PSMD1: variants seen among roughly 807,000 people sequenced by gnomAD.
PSMD1 encodes proteasome 26S subunit, non-ATPase 1.
A neutral mutation model predicts 119.0 loss-of-function variants in PSMD1; 18 were observed. The ratio of observed to expected loss-of-function variants is 0.15; its 90% CI spans 0.10 to 0.22. The LOEUF (loss-of-function observed/expected upper bound fraction) is 0.22, where lower values mean the gene tolerates loss of function less well. Among genes scored for constraint, PSMD1 ranks in the 10% least tolerant of loss-of-function variants. The probability of loss-of-function intolerance (pLI) is 1.00; values close to 1 mark genes in which losing one functional copy is unlikely to be tolerated. For missense variants in PSMD1, 702 were observed against 1,158.5 expected (o/e 0.61, Z 5.72); for synonymous variants, 374 against 396.6 (o/e 0.94, Z 0.68).
chr2:231,125,549 G>C (rs1295487688), intron 16 of PSMD1, among the ~76,000 whole-genome samples: 1 of 152,124 alleles, frequency 6.6e-6, no homozygotes, highest in Non-Finnish European at 1.5e-5. Context: ...GCACAGAAAG[G>C]CCTGAATTCT....
chr2:231,077,524 T>G (rs1056797221), intron 9 of PSMD1, among the ~76,000 whole-genome samples: 1 of 152,158 alleles, frequency 6.6e-6, no homozygotes, highest in Non-Finnish European at 1.5e-5. Context: ...GTACTTTCAT[T>G]TCAATAAATC....
At chr2:231,123,467 C>G in intron 16 of PSMD1, 1 of 1,614,054 alleles carries the variant, frequency 6.2e-7, no homozygotes, top group Non-Finnish European at 8.5e-7. Flanking sequence ...ACCAGCAAAT[C>G]AGCCACCGCC....
rs767512060 is a variant in PSMD1, at chr2:231,161,474, C to T, written c.2353C>T (p.Pro785Ser). Residue 785 changes from proline (P) to serine (S), a missense_variant, in exon 20 of 25, where the codon CCT (proline) becomes TCT (serine). Coordinates refer to ENST00000308696, the MANE Select transcript of PSMD1 (RefSeq NM_002807.4). ...LSHFLSLAYTPTCVIGLNKDL... is the reference protein window; with the variant it reads ...LSHFLSLAYTSTCVIGLNKDL... ...ACACTTCCTGTCATTGGCTTATACC[C>T]CTACCTGTGTCATTGGCCTTAACAA... 1.9e-6 allele frequency: 3 copies of T among 1,614,066 alleles called. No individual in the cohort carries two copies. The highest frequency in any genetic ancestry group is 2.5e-6 in the Non-Finnish European group (3 of 1,180,004).
At chr2:231,075,198 T>TTTTGTAGC (rs2125165011) in intron 7 of PSMD1, among the ~76,000 whole-genome samples, 1 of 152,198 alleles carries the variant, frequency 6.6e-6, no homozygotes, top group East Asian at 1.9e-4. Flanking sequence ...TTCAAGCCCA[T>TTTTGTAGC]TTTGTAGCTG....
At chr2:231,087,636 G>A (rs940283885) in intron 16 of PSMD1, among the ~76,000 whole-genome samples, 1 of 152,152 alleles carries the variant, frequency 6.6e-6, no homozygotes, top group African/African-American at 2.4e-5. Flanking sequence ...TCATGGAGAT[G>A]TCCTTGGCAG....
At chr2:231,129,043 T>C (rs1033183785) in intron 16 of PSMD1, among the ~76,000 whole-genome samples, 6 of 152,180 alleles carry the variant, frequency 3.9e-5, no homozygotes, top group Non-Finnish European at 7.3e-5. Flanking sequence ...AACCCAAATA[T>C]CTTTTGGAGT....
At chr2:231,127,607 G>A (rs1695757284) in intron 16 of PSMD1, among the ~76,000 whole-genome samples, 1 of 152,202 alleles carries the variant, frequency 6.6e-6, no homozygotes, top group South Asian at 2.1e-4. Flanking sequence ...GCCTGCCTCA[G>A]CCTCCCAAAG....
intron 16 of PSMD1, among the ~76,000 whole-genome samples, chr2:231,092,603 C>T (rs946251121): frequency 6.6e-6 from 1 of 152,096 alleles, no homozygotes; most frequent in Non-Finnish European, 1.5e-5. Flanking sequence ...GGGAATGAGA[C>T]GTGGCTGCAA....
At position 231,070,147 on chromosome 2, in the gene PSMD1, T is replaced by C; in HGVS notation, c.633T>C (p.Pro211=). Reference sequence around the variant, plus strand: ...AAATCTACATGAACTTGGAGAAACCTGATTTCATCAATGTTTGTCAGGTAA... The same window carrying C: ...AAATCTACATGAACTTGGAGAAACCCGATTTCATCAATGTTTGTCAGGTAA... ...LVKIYMNLEK[P]DFINVCQCLI... is the part of the protein sequence containing the mutation. Residue 211 remains proline (P), a synonymous_variant, in exon 6 of 25, where the codon CCT becomes CCC. Coordinates refer to ENST00000308696, the MANE Select transcript of PSMD1 (RefSeq NM_002807.4). The C allele has an allele frequency of 6.5e-7, 1 of 1,549,836 alleles. No homozygotes were observed. The highest frequency in any genetic ancestry group is 1.3e-5 in the South Asian group (1 of 79,298).
At chr2:231,127,854 G>C (rs1474261144) in intron 16 of PSMD1, among the ~76,000 whole-genome samples, 1 of 152,202 alleles carries the variant, frequency 6.6e-6, no homozygotes, top group Admixed American at 6.5e-5. Context: ...AGCTTCATTT[G>C]TGTAGAATAT....
At chr2:231,142,794 T>C (rs1205513323) in intron 17 of PSMD1, among the ~76,000 whole-genome samples, 1 of 152,228 alleles carries the variant, frequency 6.6e-6, no homozygotes, top group African/African-American at 2.4e-5. Flanking sequence ...ATTGACAATA[T>C]GTTTGAAAAA....
At chr2:231,156,107 T>G (rs6707708) in intron 19 of PSMD1, among the ~76,000 whole-genome samples, 1 of 151,958 alleles carries the variant, frequency 6.6e-6, no homozygotes, top group South Asian at 2.1e-4. Flanking sequence ...ATTTCTTTTA[T>G]TGCAGCTTTT....
intron 16 of PSMD1, chr2:231,123,304 C>A: frequency 1.2e-6 from 1 of 840,494 alleles, no homozygotes. Context: ...TTTAAATAGT[C>A]CAAGTTCATC....
intron 22 of PSMD1, 93 bp downstream of exon 22, chr2:231,165,379 C>G (rs1696753246): frequency 7.5e-7 from 1 of 1,334,152 alleles, no homozygotes. Flanking sequence ...CTACCTTGCT[C>G]TTGGCTTCCT....
At position 231,067,040 on chromosome 2, in the gene PSMD1, T is replaced by G. The variant is rs561885559; in HGVS notation, c.439T>G (p.Tyr147Asp). ...CCAGCGATGTCTAGATGATCACAAG[T>G]ATAAACAGGCTATTGGCATTGCTCT... ...MFQRCLDDHKYKQAIGIALET... is the reference protein window; with the variant it reads ...MFQRCLDDHKDKQAIGIALET... The change falls in exon 5 of 25, where the codon TAT becomes GAT. Residue 147 changes from tyrosine (Y) to aspartate (D), a missense_variant. Tyr to Asp is a radical substitution (Grantham distance 160, BLOSUM62 -3). This residue lies in a region of PSMD1 where 8 missense variants were observed against 27.1 expected (regional missense o/e 0.30). Coordinates refer to ENST00000308696, the MANE Select transcript of PSMD1 (RefSeq NM_002807.4). 6.2e-7 allele frequency: 1 copy of G among 1,613,962 alleles called. No homozygotes were observed. Among genetic ancestry groups the G allele is most frequent in the South Asian group, 1.1e-5 (1 of 91,038 alleles).
At chr2:231,079,700 C>A in intron 11 of PSMD1, 86 bp downstream of exon 11, 1 of 815,160 alleles carries the variant, frequency 1.2e-6, no homozygotes, top group South Asian at 2.3e-5. Context: ...TATTATAATT[C>A]ATTAACAAGT....
chr2:231,125,734 A>G (rs150528783), intron 16 of PSMD1, among the ~76,000 whole-genome samples: 1 of 152,224 alleles, frequency 6.6e-6, no homozygotes, highest in Non-Finnish European at 1.5e-5. Flanking sequence ...TTAAATCTTA[A>G]TAGTTATGCT....
intron 4 of PSMD1, 100 bp from the exon 5 acceptor site, chr2:231,066,806 A>G: frequency 1.0e-6 from 1 of 967,908 alleles, no homozygotes; most frequent in Non-Finnish European, 1.5e-6. Flanking sequence ...ATTGCTTTAT[A>G]GTCATCCCAT....
In PSMD1 at chr2:231,087,104, C is replaced by T. The variant is rs778544391; in HGVS notation, c.1819-13C>T. On this transcript the variant is annotated splice_polypyrimidine_tract_variant and intron_variant, in intron 15 of 24. Coordinates refer to ENST00000308696, the MANE Select transcript of PSMD1 (RefSeq NM_002807.4). The stretch of plus-strand genomic sequence containing the variant: ...CTACATAGTATAATATAATCTTAAA[C>T]TTTTCCCCCTAGGTAAGTGATGTTA... 6.2e-6 allele frequency: 10 copies of T among 1,612,254 alleles called. No homozygotes were observed. The highest frequency in any genetic ancestry group is 8.5e-6 in the Non-Finnish European group (10 of 1,178,768).
Sources: allele counts gnomAD v4.1 joint callset (sites outside exome capture counted in the v4.1 genomes callset), GRCh38; gene constraint gnomAD v4.1.1; regional missense constraint gnomAD v4.1.1; transcripts MANE v1.5; gene names NCBI Gene and HGNC (gene_info 2026-07-23, HGNC 2026-07-21).